SERPINC1: variants seen among roughly 807,000 people sequenced by gnomAD.
SERPINC1 encodes serpin family C member 1, also known as antithrombin-III.
SERPINC1 carries 12 observed loss-of-function variants against 43.4 expected under a neutral mutation model. That is an observed-to-expected ratio of 0.28 (90% CI 0.18 to 0.45). The LOEUF (loss-of-function observed/expected upper bound fraction) is 0.45, where lower values mean the gene tolerates loss of function less well. Among genes scored for constraint, SERPINC1 ranks in the 20% least tolerant of loss-of-function variants. The pLI is 1.00. For synonymous variants in SERPINC1, 210 were observed against 218.9 expected, an observed-to-expected ratio of 0.96 and a Z score of 0.36; for missense variants, 423 against 578.8, an observed-to-expected ratio of 0.73 and a Z score of 2.76.
Position 173,914,668 on chromosome 1 carries a change from A to G in SERPINC1, c.293T>C (p.Leu98Pro). 6.2e-7 allele frequency: 1 copy of G among 1,614,256 alleles called. No homozygotes were observed. The highest frequency in any genetic ancestry group is 8.5e-7 in the Non-Finnish European group (1 of 1,180,046). The change falls in exon 2 of 7, where the codon CTG (leucine) becomes CCG (proline). Residue 98 changes from leucine to proline, a missense_variant. Transcript: ENST00000367698. The stretch of plus-strand genomic sequence containing the variant: ...ATCATTGTCATTCTTGGAATCTGCC[A>G]GGTGCTGATAGAAAGTGGTAGCAAA... ...SRFATTFYQH[L>P]ADSKNDNDNI...
At chr1:173,904,350 T>C (rs1338430439) in intron 6 of SERPINC1, among the ~76,000 whole-genome samples, 1 of 152,198 alleles carries the variant, frequency 6.6e-6, no homozygotes. Context: ...CATTTCTGGC[T>C]GGTACCATTG....
At chr1:173,910,940 T>G in intron 3 of SERPINC1, 49 bp from the exon 4 acceptor site, 1 of 1,599,466 alleles carries the variant, frequency 6.3e-7, no homozygotes, top group Non-Finnish European at 8.6e-7. Context: ...TTCAATTGGC[T>G]TCTCCATTTT....
In SERPINC1 at chr1:173,906,334, C is replaced by T. The variant is rs1197954778; in HGVS notation, c.1218+1116G>A. 3.0e-4 allele frequency among the ~76,000 whole-genome samples: 46 copies of T among 152,244 alleles called. 1 individual carries two copies. The highest frequency in any genetic ancestry group is 2.8e-3 in the Admixed American group (43 of 15,282). On this transcript the variant is annotated intron_variant, in intron 6 of 6. Coordinates refer to ENST00000367698, the MANE Select transcript of SERPINC1 (RefSeq NM_000488.4). Reference sequence around the variant, plus strand: ...TTACTCTAACACAGGGTTCCATGCACATCTCATTTGGGGGAACACGTTAAG... The same window carrying T: ...TTACTCTAACACAGGGTTCCATGCATATCTCATTTGGGGGAACACGTTAAG...
rs1572090167 is a variant in SERPINC1 at position 173,911,871 on chromosome 1, A to G, written c.552T>C (p.Leu184=). 6.2e-7 allele frequency: 1 copy of G among 1,614,196 alleles called. No individual in the cohort carries two copies. Among genetic ancestry groups the G allele is most frequent in the South Asian group, 1.1e-5 (1 of 91,080 alleles). Residue 184 remains leucine (L), a synonymous_variant, in exon 3 of 7, where the codon CTT becomes CTC. Transcript: ENST00000367698. ...SANRLFGDKS[L]TFNETYQDIS... is the part of the protein sequence containing the mutation. ...TGTCCTGGTAGGTCTCATTGAAGGT[A>G]AGGGATTTGTCTCCAAAAAGGCGAT...
chr1:173,905,011 A>G (rs1049038547), intron 6 of SERPINC1, among the ~76,000 whole-genome samples: 1 of 152,170 alleles, frequency 6.6e-6, no homozygotes, highest in Non-Finnish European at 1.5e-5. Flanking sequence ...AAAATCTTAC[A>G]TATTGTGTAC....
Position 173,909,815 on chromosome 1 carries a change from T to C in SERPINC1, c.890A>G (p.Glu297Gly). The C allele has an allele frequency of 6.2e-7, 1 of 1,614,184 alleles. No individual in the cohort carries two copies. The highest frequency in any genetic ancestry group is 8.5e-7 in the Non-Finnish European group (1 of 1,179,990). The change falls in exon 5 of 7, where the codon GAA becomes GGA. Residue 297 changes from glutamate to glycine, a missense_variant. Glu to Gly is a moderately conservative substitution (Grantham distance 98, BLOSUM62 -2). Coordinates refer to ENST00000367698, the MANE Select transcript of SERPINC1 (RefSeq NM_000488.4). ...GGGCAACTCAAGCACCTGGGTGCCT[T>C]CAGCCACGCGCCGATAACGGAACTT... is the stretch of plus-strand genomic sequence containing the variant. The part of the protein sequence containing the change: ...EGKFRYRRVA[E>G]GTQVLELPFK...
rs560651876 is a variant in SERPINC1 at position 173,914,009 on chromosome 1, C to A, written c.408+544G>T. Reference sequence around the variant, plus strand: ...GGGAGAATTGCTTGAACCTGGGAGGCAGAGTTTGGAGTGAGCCGAGACTGC... The same window carrying A: ...GGGAGAATTGCTTGAACCTGGGAGGAAGAGTTTGGAGTGAGCCGAGACTGC... On this transcript the variant is annotated intron_variant, in intron 2 of 6. Transcript: ENST00000367698. Among the ~76,000 whole-genome samples the A allele has an allele frequency of 4.0e-5, 6 of 151,216 alleles. No individual in the cohort carries two copies. The East Asian group carries it at 1.2e-3, about 29-fold the overall frequency.
chr1:173,915,247 A>T (rs1350778134), intron 1 of SERPINC1: 1 of 1,186,806 alleles, frequency 8.4e-7, no homozygotes, highest in Non-Finnish European at 1.1e-6. Flanking sequence ...TGCCTAAAAA[A>T]TCGGCTTTAG....
chr1:173,914,319 C>T (rs996216224), intron 2 of SERPINC1, among the ~76,000 whole-genome samples: 1 of 152,114 alleles, frequency 6.6e-6, no homozygotes, highest in African/African-American at 2.4e-5. Context: ...TTTTAAGGTG[C>T]TCAAAAGAGG....
At chr1:173,905,677 TACC>T (rs1467916723) in intron 6 of SERPINC1, among the ~76,000 whole-genome samples, 2 of 151,830 alleles carry the variant, frequency 1.3e-5, no homozygotes, top group Non-Finnish European at 2.9e-5. Context: ...ACTGAGATCA[TACC>T]ACTGCATTCC....
intron 6 of SERPINC1, among the ~76,000 whole-genome samples, chr1:173,907,173 C>T (rs1047527514): frequency 1.3e-5 from 2 of 152,052 alleles, no homozygotes; most frequent in African/African-American, 2.4e-5. Context: ...TTCTGGTTCT[C>T]CTCATGCTGT....
At position 173,909,677 on chromosome 1, in the gene SERPINC1, A is replaced by G. The variant is rs1657679598; in HGVS notation, c.1028T>C (p.Leu343Ser). ...PEVLQEWLDELEEMMLVVHMP... is the reference protein window; with the variant it reads ...PEVLQEWLDESEEMMLVVHMP... Reference sequence around the variant, plus strand: ...GTGGACCACCAGCATCATCTCCTCCAATTCATCCAGCCACTCTTGCAGCAC... The same window carrying G: ...GTGGACCACCAGCATCATCTCCTCCGATTCATCCAGCCACTCTTGCAGCAC... Residue 343 changes from leucine to serine, a missense_variant, in exon 5 of 7, where the codon TTG (leucine) becomes TCG (serine). Physicochemically the swap from Leu to Ser is moderately radical, Grantham distance 145. Coordinates refer to ENST00000367698, the MANE Select transcript of SERPINC1 (RefSeq NM_000488.4). 1 of 1,613,850 alleles carries G rather than the reference A, an allele frequency of 6.2e-7. No individual in the cohort carries two copies. The highest frequency in any genetic ancestry group is 1.7e-4 in the Middle Eastern group (1 of 6,058).
intron 3 of SERPINC1, 99 bp from the exon 4 acceptor site, chr1:173,910,990 T>C: frequency 1.5e-6 from 2 of 1,360,094 alleles, no homozygotes. Flanking sequence ...CCCTCTGTCC[T>C]TTCCCACCAT....
At chr1:173,912,039 G>A (rs770200570) in intron 2 of SERPINC1, 25 bp from the exon 3 acceptor site, 2 of 1,541,782 alleles carry the variant, frequency 1.3e-6, no homozygotes, top group African/African-American at 2.7e-5. Context: ...AAAAAATGGT[G>A]GTGGGTTTGG....
intron 2 of SERPINC1, among the ~76,000 whole-genome samples, chr1:173,913,841 C>G (rs544724502): frequency 1.4e-5 from 2 of 142,250 alleles, no homozygotes; most frequent in East Asian, 4.1e-4. Context: ...GATGACAGAG[C>G]GAGACTCCGT....
At chr1:173,916,885 C>G (rs1388296530) in intron 1 of SERPINC1, among the ~76,000 whole-genome samples, 1 of 152,184 alleles carries the variant, frequency 6.6e-6, no homozygotes, top group African/African-American at 2.4e-5. Flanking sequence ...CATTTGCTCT[C>G]TTCCCGGATG....
rs1572093590 is a variant in SERPINC1 at position 173,917,317 on chromosome 1, G to A, written c.-58C>T. ...GAGATAGTGTGATCTGAGGCAATCC[G>A]CCTGAAAACTGGTTCTTTCCTCTAA... On this transcript the variant is annotated 5_prime_UTR_variant, in exon 1 of 7. Transcript: ENST00000367698. The A allele has an allele frequency of 1.0e-5, 16 of 1,528,472 alleles. No individual in the cohort carries two copies. Among genetic ancestry groups the A allele is most frequent in the Admixed American group, 1.7e-5 (1 of 59,510 alleles). The allele number at this position is 1,528,472 out of a possible 1,614,324, so 94.7% of individuals were successfully genotyped here.
intron 5 of SERPINC1, among the ~76,000 whole-genome samples, chr1:173,908,050 C>G (rs187520457): frequency 1.3e-5 from 2 of 150,530 alleles, no homozygotes; most frequent in Non-Finnish European, 3.0e-5. Flanking sequence ...GCTTGTTCAG[C>G]ATGGCTCCTG....
chr1:173,914,712 C>G lies in SERPINC1; in HGVS notation c.249G>C (p.Leu83=), dbSNP rs1251951813. 6.2e-7 allele frequency: 1 copy of G among 1,614,256 alleles called. No individual in the cohort carries two copies. Among genetic ancestry groups the G allele is most frequent in the Admixed American group, 1.7e-5 (1 of 60,030 alleles). Residue 83 remains leucine (L), a synonymous_variant, in exon 2 of 7, where the codon CTG becomes CTC. Coordinates refer to ENST00000367698, the MANE Select transcript of SERPINC1 (RefSeq NM_000488.4). ...TAGCAAAGCGGGAATTGGCCTTGGA[C>G]AGTTCCCAGACACGCCGGTTGGTGG... ...PEATNRRVWE[L]SKANSRFATT... is the part of the protein sequence containing the mutation.
Sources: allele counts gnomAD v4.1 joint callset (sites outside exome capture counted in the v4.1 genomes callset), GRCh38; gene constraint gnomAD v4.1.1; transcripts MANE v1.5; gene names NCBI Gene and HGNC (gene_info 2026-07-23, HGNC 2026-07-21).